Variants in UPK3B observed in about 807,000 individuals in gnomAD.
The protein encoded by UPK3B is uroplakin-3b.
A neutral mutation model predicts 27.6 loss-of-function variants in UPK3B; 21 were observed. That is an observed-to-expected ratio of 0.76 (90% confidence interval 0.54 to 1.10). The LOEUF is 1.10. UPK3B is among the 50% of genes least tolerant of loss of function. UPK3B has a pLI of 0.00. For missense variants in UPK3B, 306 were observed against 376.1 expected (o/e 0.81, Z 1.54); for synonymous variants, 141 against 162.3 (o/e 0.87, Z 1.00).
At position 76,511,341 on chromosome 7, in the gene UPK3B, C is replaced by G. The variant is rs1179272218; in HGVS notation, c.235+289C>G. Among the ~76,000 whole-genome samples, 9 of 152,344 alleles carry G rather than the reference C, an allele frequency of 5.9e-5. No homozygotes were observed. In the South Asian group the frequency reaches 1.9e-3, roughly 32 times the overall value. ...AGTAGTTCTTCCTTTGGACAGGGAA[C>G]CGAGGCTGCGACCTGGGAGGATGTG... On this transcript the variant is annotated intron_variant, in intron 2 of 5. Transcript: ENST00000334348.
At position 76,511,795 on chromosome 7, in the gene UPK3B, G is replaced by T; in HGVS notation, c.374G>T (p.Gly125Val). ...GGCGACCCCATGGCGGGCAGCGGAG[G>T]CGCCCCCGTGCTGCGGGTGGGCCAT... is the stretch of plus-strand genomic sequence containing the variant. Reference protein sequence around the residue: ...PCGDPMAGSGGAPVLRVGHDH... With the variant: ...PCGDPMAGSGVAPVLRVGHDH... The change falls in exon 3 of 6, where the codon GGC becomes GTC. Residue 125 changes from glycine (G) to valine (V), a missense_variant. This residue lies in a region of UPK3B where 78 missense variants were observed against 120.2 expected (regional missense o/e 0.65). Transcript: ENST00000334348. 6.4e-7 allele frequency: 1 copy of T among 1,565,942 alleles called. No homozygotes were observed. Among genetic ancestry groups the T allele is most frequent in the Non-Finnish European group, 8.7e-7 (1 of 1,155,600 alleles).
At position 76,510,621 on chromosome 7, in the gene UPK3B, G is replaced by C. The variant is rs1179879736; in HGVS notation, c.-32G>C. On this transcript the variant is annotated 5_prime_UTR_variant, in exon 1 of 6. Coordinates refer to ENST00000334348, the MANE Select transcript of UPK3B (RefSeq NM_001347684.2). ...GGTGCAGCCCGAAGCAGCCAGACCA[G>C]CCCCTGAGCCTCCCGGGTGCTGGCA... The C allele has an allele frequency of 6.9e-7, 1 of 1,448,216 alleles. No individual in the cohort carries two copies. Among genetic ancestry groups the C allele is most frequent in the Non-Finnish European group, 9.1e-7 (1 of 1,094,522 alleles). 89.7% of individuals were successfully genotyped at this position (1,448,216 alleles called of 1,614,324 possible).
chr7:76,513,864 G>A, intron 4 of UPK3B, 83 bp from the exon 5 acceptor site: 1 of 1,594,628 alleles, frequency 6.3e-7, no homozygotes, highest in South Asian at 1.1e-5. Context: ...AGGCCAGCGT[G>A]GGTGGGGAGG....
rs750235393 is a variant in UPK3B at position 76,515,145 on chromosome 7, G to A, written c.772G>A (p.Ala258Thr). 22 of 1,598,040 alleles carry A rather than the reference G, an allele frequency of 1.4e-5. No individual in the cohort carries two copies. Among genetic ancestry groups the A allele is most frequent in the Middle Eastern group, 1.6e-4 (1 of 6,068 alleles). ...MTHHIPPREAATLPVGCKPGL... is the reference protein window; with the variant it reads ...MTHHIPPREATTLPVGCKPGL... ...CCACCACATCCCACCCAGAGAGGCC[G>A]CCACACTGCCGGTGGGCTGCAAGCC... Residue 258 changes from alanine to threonine, a missense_variant, in exon 6 of 6, where the codon GCC becomes ACC. Ala to Thr is a moderately conservative substitution (Grantham distance 58). Around this residue, in one of 4 missense-constraint regions of UPK3B, gnomAD observed 174 missense variants for 166.6 expected, o/e 1.04. Transcript: ENST00000334348.
intron 4 of UPK3B, among the ~76,000 whole-genome samples, chr7:76,513,590 G>A (rs1446616105): frequency 2.6e-5 from 4 of 152,056 alleles, no homozygotes; most frequent in Middle Eastern, 3.2e-3. Context: ...CCCAGGTGTC[G>A]GGGGTGGGGG....
chr7:76,514,134 GT>G, intron 5 of UPK3B, 58 bp downstream of exon 5: 1 of 1,611,694 alleles, frequency 6.2e-7, no homozygotes. Context: ...TGTTGAATTG[GT>G]CCCAGTGTCT....
intron 5 of UPK3B, among the ~76,000 whole-genome samples, 173 bp from the exon 6 acceptor site, chr7:76,514,872 C>T (rs1812671408): frequency 6.7e-6 from 1 of 149,838 alleles, no homozygotes; most frequent in Non-Finnish European, 1.5e-5. Flanking sequence ...CACCACCGCA[C>T]TCCAGCCTGG....
chr7:76,511,116 G>C (rs1400343058), intron 2 of UPK3B, 64 bp downstream of exon 2: 10 of 1,457,098 alleles, frequency 6.9e-6, no homozygotes, highest in Admixed American at 2.6e-5. Flanking sequence ...GGCCCTAGGA[G>C]CCCCTCACCA....
chr7:76,514,160 C>T, intron 5 of UPK3B, 84 bp downstream of exon 5: 1 of 1,593,760 alleles, frequency 6.3e-7, no homozygotes, highest in African/African-American at 1.3e-5. Flanking sequence ...GCCCTCCAGG[C>T]ATGCCATGGG....
chr7:76,515,331 C>T lies in UPK3B; in HGVS notation c.*127C>T, dbSNP rs1270534188. On this transcript the variant is annotated 3_prime_UTR_variant, in exon 6 of 6. Transcript: ENST00000334348. Reference sequence around the variant, plus strand: ...GCCTTTCCCCCCCACCAGCACACCCCGTACCCTGCCTGGAATCCCAGCACC... The same window carrying T: ...GCCTTTCCCCCCCACCAGCACACCCTGTACCCTGCCTGGAATCCCAGCACC... 70 of 1,509,310 alleles carry T rather than the reference C, an allele frequency of 4.6e-5. No individual in the cohort carries two copies. Among genetic ancestry groups the T allele is most frequent in the South Asian group, 4.2e-4 (33 of 78,366 alleles). The allele number at this position is 1,509,310 out of a possible 1,614,324, so 93.5% of individuals were successfully genotyped here.
At chr7:76,515,016 T>A (rs1203763039) in intron 5 of UPK3B, 29 bp from the exon 6 acceptor site, 1 of 1,550,930 alleles carries the variant, frequency 6.4e-7, no homozygotes, top group African/African-American at 1.4e-5. Flanking sequence ...CAGGGACATA[T>A]GTCTCTTCCT....
chr7:76,511,318 TA>T (rs1812523960), intron 2 of UPK3B, among the ~76,000 whole-genome samples: 1 of 152,084 alleles, frequency 6.6e-6, no homozygotes, highest in Admixed American at 6.6e-5. Flanking sequence ...TGAATCCAAG[TA>T]GTTCTTCCTT....
intron 3 of UPK3B, 115 bp from the exon 4 acceptor site, chr7:76,512,969 C>T: frequency 2.5e-6 from 2 of 791,354 alleles, no homozygotes; most frequent in Admixed American, 2.3e-5. Context: ...TGACGGGCAC[C>T]CCCACTCCAC....
chr7:76,511,495 A>G (rs1263712875), intron 2 of UPK3B, 162 bp from the exon 3 acceptor site: 1 of 723,020 alleles, frequency 1.4e-6, no homozygotes, highest in Admixed American at 2.9e-5. Context: ...GCTCCCCTTC[A>G]GGGGTAACAA....
Position 76,510,552 on chromosome 7 carries a change from A to C in UPK3B, c.-101A>C. 1.7e-6 allele frequency: 2 copies of C among 1,159,922 alleles called. No homozygotes were observed. Among genetic ancestry groups the C allele is most frequent in the Middle Eastern group, 2.9e-4 (1 of 3,406 alleles). 71.9% of individuals were successfully genotyped at this position (1,159,922 alleles called of 1,614,324 possible). On this transcript the variant is annotated 5_prime_UTR_variant, in exon 1 of 6. Coordinates refer to ENST00000334348, the MANE Select transcript of UPK3B (RefSeq NM_001347684.2). ...TGCAGGTCTTTCCAGCCCCTGGGGC[A>C]GCCTGATTAACCAGCTTCTCCAGGG...
At position 76,515,136 on chromosome 7, in the gene UPK3B, A is replaced by G. The variant is rs1337878001; in HGVS notation, c.763A>G (p.Arg255Gly). 1.2e-6 allele frequency: 2 copies of G among 1,601,062 alleles called. No individual in the cohort carries two copies. Among genetic ancestry groups the G allele is most frequent in the Admixed American group, 3.4e-5 (2 of 58,122 alleles). ...KRYMTHHIPP[R>G]EAATLPVGCK... ...CTACATGACCCACCACATCCCACCC[A>G]GAGAGGCCGCCACACTGCCGGTGGG... Residue 255 changes from arginine (R) to glycine (G), a missense_variant, in exon 6 of 6, where the codon AGA becomes GGA. Physicochemically the swap from Arg to Gly is moderately radical, Grantham distance 125. This residue lies in a region of UPK3B where 174 missense variants were observed against 166.6 expected (regional missense o/e 1.04). Coordinates refer to ENST00000334348, the MANE Select transcript of UPK3B (RefSeq NM_001347684.2).
At position 76,511,853 on chromosome 7, in the gene UPK3B, C is replaced by T. The variant is rs1156489449; in HGVS notation, c.432C>T (p.Asn144=). ...DHGCHQQPFC[N]APLPGPGPYR... Reference sequence around the variant, plus strand: ...GCTGCCACCAGCAGCCCTTCTGCAACGCGCCCCTCCCTGGCCCTGGACCCT... The same window carrying T: ...GCTGCCACCAGCAGCCCTTCTGCAATGCGCCCCTCCCTGGCCCTGGACCCT... The change falls in exon 3 of 6, where the codon AAC becomes AAT. Residue 144 remains asparagine (N), a synonymous_variant. Coordinates refer to ENST00000334348, the MANE Select transcript of UPK3B (RefSeq NM_001347684.2). The T allele has an allele frequency of 3.0e-5, 44 of 1,450,630 alleles. No individual in the cohort carries two copies. The highest frequency in any genetic ancestry group is 4.3e-5 in the African/African-American group (3 of 69,794). The allele number at this position is 1,450,630 out of a possible 1,614,324, so 89.9% of individuals were successfully genotyped here.
intron 3 of UPK3B, among the ~76,000 whole-genome samples, 154 bp from the exon 4 acceptor site, chr7:76,512,930 A>C (rs1410407060): frequency 6.6e-6 from 1 of 152,208 alleles, no homozygotes; most frequent in African/African-American, 2.4e-5. Flanking sequence ...GGATTCTCAG[A>C]GCAGGGCCAG....
In UPK3B at chr7:76,515,166, A is replaced by T; in HGVS notation, c.793A>T (p.Lys265Ter). The change falls in exon 6 of 6, where the codon AAG (lysine) becomes TAG (stop). Residue 265 changes from lysine (K) to a stop codon, truncating the protein, a stop_gained. Transcript: ENST00000334348. LOFTEE classifies it high-confidence loss of function. ...GGCCGCCACACTGCCGGTGGGCTGC[A>T]AGCCTGGCCTGGACCCCCTCCCCAG... is the stretch of plus-strand genomic sequence containing the variant. ...REAATLPVGCKPGLDPLPSLS... is the reference protein window; with the variant it reads ...REAATLPVGC 6.3e-7 allele frequency: 1 copy of T among 1,594,434 alleles called. No individual in the cohort carries two copies. The highest frequency in any genetic ancestry group is 8.5e-7 in the Non-Finnish European group (1 of 1,170,958).
Sources: allele counts gnomAD v4.1 joint callset (sites outside exome capture counted in the v4.1 genomes callset), GRCh38; gene constraint gnomAD v4.1.1; regional missense constraint gnomAD v4.1.1; transcripts MANE v1.5; gene names NCBI Gene and HGNC (gene_info 2026-07-23, HGNC 2026-07-21).